TNRC18: variants seen among roughly 807,000 people sequenced by gnomAD.
TNRC18 encodes trinucleotide repeat containing 18.
TNRC18 carries 69 observed loss-of-function variants against 226.7 expected under a neutral mutation model. That is an observed-to-expected ratio of 0.30 (90% CI 0.25 to 0.37). The LOEUF (loss-of-function observed/expected upper bound fraction) is 0.37. Among genes scored for constraint, TNRC18 ranks in the 10% least tolerant of loss-of-function variants. The pLI is 1.00. For synonymous variants in TNRC18, 2,449 were observed against 1,927.6 expected (o/e 1.27, Z -7.09); for missense variants, 4,754 against 4,256.6 (o/e 1.12, Z -3.25).
At chr7:5,404,763 A>AGTGTGT (rs57464872) in intron 2 of TNRC18, among the ~76,000 whole-genome samples, 31,681 of 147,078 alleles carry the variant, frequency 0.22, 3,429 homozygotes, top group Admixed American at 0.27. Context: ...GCACACTTTC[A>AGTGTGT]GTGTGTGTGT....
At chr7:5,410,364 C>T (rs1781764920) in intron 2 of TNRC18, among the ~76,000 whole-genome samples, 1 of 147,562 alleles carries the variant, frequency 6.8e-6, no homozygotes, top group Non-Finnish European at 1.5e-5. Context: ...GCCCAGGAGA[C>T]CCAGGATATC....
intron 2 of TNRC18, among the ~76,000 whole-genome samples, chr7:5,414,768 A>G (rs1782068568): frequency 1.3e-5 from 2 of 152,128 alleles, no homozygotes; most frequent in African/African-American, 4.8e-5. Flanking sequence ...AGAACCACAC[A>G]CAGTTATCCA....
intron 17 of TNRC18, among the ~76,000 whole-genome samples, chr7:5,351,470 A>T (rs554547572): frequency 7.1e-6 from 1 of 141,486 alleles, no homozygotes; most frequent in African/African-American, 2.6e-5. Context: ...GTGGGCAGAA[A>T]ACGTGAGTGC....
chr7:5,346,979 G>A (rs980635400), intron 17 of TNRC18, among the ~76,000 whole-genome samples: 6 of 152,112 alleles, frequency 3.9e-5, no homozygotes, highest in South Asian at 2.1e-4. Flanking sequence ...GGGGTAGACT[G>A]AGGCCCAATG....
intron 11 of TNRC18, among the ~76,000 whole-genome samples, chr7:5,366,318 CTTTTTTT>C (rs202053648): frequency 3.1e-4 from 22 of 70,480 alleles, no homozygotes; most frequent in Non-Finnish European, 4.2e-4. Flanking sequence ...CTTCTTATAT[CTTTTTTT>C]TTTTTTTTTT....
chr7:5,389,135 T>G lies in TNRC18; in HGVS notation c.689A>C (p.Glu230Ala). 2.3e-6 allele frequency: 3 copies of G among 1,318,676 alleles called. No homozygotes were observed. The highest frequency in any genetic ancestry group is 2.9e-6 in the Non-Finnish European group (3 of 1,034,374). 81.7% of individuals were successfully genotyped at this position (1,318,676 alleles called of 1,614,324 possible). A position where few individuals can be genotyped will look rare whatever the true frequency, so the allele number is the denominator to read the frequency against. The change falls in exon 5 of 30, where the codon GAG becomes GCG. Residue 230 changes from glutamate (E) to alanine (A), a missense_variant. Coordinates refer to ENST00000430969, the MANE Select transcript of TNRC18 (RefSeq NM_001080495.3). ...CACGCCCCGTGGCCCCGAGGCCTCC[T>G]CGCCCCGGGCGCGCGGGTCCTTCTT... ...FGKKDPRARG[E>A]EASGPRGVVD... is the part of the protein sequence containing the mutation.
At position 5,388,045 on chromosome 7, in the gene TNRC18, G is replaced by A. The variant is rs762605213; in HGVS notation, c.1779C>T (p.Gly593=). 1.3e-6 allele frequency: 2 copies of A among 1,562,720 alleles called. No homozygotes were observed. Among genetic ancestry groups the A allele is most frequent in the South Asian group, 2.3e-5 (2 of 85,268 alleles). The change falls in exon 5 of 30, where the codon GGC becomes GGT. Residue 593 remains glycine, a synonymous_variant. Coordinates refer to ENST00000430969, the MANE Select transcript of TNRC18 (RefSeq NM_001080495.3). ...CGGCCACGGCGTCCCGGGCAAAGCT[G>A]CCACTGTACTTTATAAGGCTCTGCA... ...SAMQSLIKYS[G]SFARDAVAVR... is the part of the protein sequence containing the mutation.
chr7:5,334,529 C>A (rs529489375), intron 18 of TNRC18, among the ~76,000 whole-genome samples: 1 of 151,512 alleles, frequency 6.6e-6, no homozygotes, highest in African/African-American at 2.4e-5. Flanking sequence ...GAACTCCTGA[C>A]CTTGTGATCT....
intron 15 of TNRC18, among the ~76,000 whole-genome samples, chr7:5,358,902 C>T (rs1792739356): frequency 6.6e-6 from 1 of 152,086 alleles, no homozygotes; most frequent in African/African-American, 2.4e-5. Flanking sequence ...CAAAAAGGCA[C>T]CTTAAGTGGA....
chr7:5,380,234 C>T (rs765057211), intron 5 of TNRC18, among the ~76,000 whole-genome samples: 2 of 152,134 alleles, frequency 1.3e-5, no homozygotes, highest in African/African-American at 2.4e-5. Context: ...TCACTGGAGC[C>T]CAGGAGTTTG....
chr7:5,307,564 C>G lies in TNRC18; in HGVS notation c.*542G>C. 2.2e-6 allele frequency: 1 copy of G among 450,414 alleles called. No individual in the cohort carries two copies. Among genetic ancestry groups the G allele is most frequent in the South Asian group, 1.6e-5 (1 of 63,586 alleles). The allele number at this position is 450,414 out of a possible 1,614,324, so 27.9% of individuals were successfully genotyped here. On this transcript the variant is annotated 3_prime_UTR_variant, in exon 30 of 30. Coordinates refer to ENST00000430969, the MANE Select transcript of TNRC18 (RefSeq NM_001080495.3). The stretch of plus-strand genomic sequence containing the variant: ...GCTCTGTTCCCCAAGTCTAGGCCAT[C>G]CTGAGAGGGTGGGGGCAGGGCCCCT...
intron 21 of TNRC18, among the ~76,000 whole-genome samples, chr7:5,321,731 G>A (rs1193380506): frequency 6.6e-6 from 1 of 151,722 alleles, no homozygotes; most frequent in Non-Finnish European, 1.5e-5. Flanking sequence ...GAGTGCAATG[G>A]CATGATCTCG....
At chr7:5,314,675 T>G (rs1357909165) in intron 26 of TNRC18, among the ~76,000 whole-genome samples, 3 of 147,512 alleles carry the variant, frequency 2.0e-5, no homozygotes, top group Non-Finnish European at 4.4e-5. Flanking sequence ...CAGGTTGAAG[T>G]GATTCTCCTG....
rs370420921 is a variant in TNRC18, at chr7:5,342,405, G to A, written c.5719+3157C>T. ...GATCGCACCGCTGCATTCCAGCCTGGGCGACACAGCGAGACTCAGTCTCAA... is the reference window on the plus strand; with the variant it reads ...GATCGCACCGCTGCATTCCAGCCTGAGCGACACAGCGAGACTCAGTCTCAA... On this transcript the variant is annotated intron_variant, in intron 18 of 29. Transcript: ENST00000430969. 2.0e-5 allele frequency among the ~76,000 whole-genome samples: 3 copies of A among 151,736 alleles called. No homozygotes were observed. The East Asian group carries it at 5.8e-4, about 29-fold the overall frequency.
At chr7:5,364,952 A>G (rs1793468988) in intron 11 of TNRC18, among the ~76,000 whole-genome samples, 1 of 152,098 alleles carries the variant, frequency 6.6e-6, no homozygotes, top group Non-Finnish European at 1.5e-5. Context: ...TGCCATCTCT[A>G]AAGGTCAAAA....
At chr7:5,415,460 T>C (rs912030236) in intron 2 of TNRC18, among the ~76,000 whole-genome samples, 3 of 134,690 alleles carry the variant, frequency 2.2e-5, no homozygotes, top group African/African-American at 8.3e-5. Context: ...CACTGCAACC[T>C]CCGCCTCCCG....
chr7:5,408,172 G>A (rs904196134), intron 2 of TNRC18, among the ~76,000 whole-genome samples: 8 of 151,880 alleles, frequency 5.3e-5, no homozygotes, highest in African/African-American at 1.9e-4. Flanking sequence ...GGTGGCGCGC[G>A]CCTCTAGTCC....
intron 2 of TNRC18, among the ~76,000 whole-genome samples, chr7:5,415,869 G>A (rs1245737462): frequency 6.6e-6 from 1 of 150,776 alleles, no homozygotes; most frequent in Non-Finnish European, 1.5e-5. Flanking sequence ...CACTTTGGGA[G>A]GCCTAGGTGG....
Position 5,384,727 on chromosome 7 carries a change from C to T in TNRC18, c.2152+2945G>A, listed in dbSNP as rs137958193. Among the ~76,000 whole-genome samples, 443 of 152,328 alleles carry T rather than the reference C, an allele frequency of 2.9e-3. 5 individuals carry two copies. Among genetic ancestry groups the T allele is most frequent in the African/African-American group, 9.9e-3 (410 of 41,576 alleles). On this transcript the variant is annotated intron_variant, in intron 5 of 29. Coordinates refer to ENST00000430969, the MANE Select transcript of TNRC18 (RefSeq NM_001080495.3). ...AAACCTCTGAGCAGGAGACCTTTTTCCATCACCAAGCTGGCCACCTCCAAT... is the reference window on the plus strand; with the variant it reads ...AAACCTCTGAGCAGGAGACCTTTTTTCATCACCAAGCTGGCCACCTCCAAT...
Sources: allele counts gnomAD v4.1 joint callset (sites outside exome capture counted in the v4.1 genomes callset), GRCh38; gene constraint gnomAD v4.1.1; transcripts MANE v1.5; gene names NCBI Gene and HGNC (gene_info 2026-07-23, HGNC 2026-07-21).